The following DNAH3 variants were observed in gnomAD, a reference collection of about 807,000 sequenced individuals.
DNAH3 encodes the protein dynein axonemal heavy chain 3.
A neutral mutation model predicts 432.5 loss-of-function variants in DNAH3; 332 were observed. The ratio of observed to expected loss-of-function variants is 0.77; its 90% CI spans 0.70 to 0.84. The LOEUF (loss-of-function observed/expected upper bound fraction) is 0.84. Ranked by LOEUF, DNAH3 falls within the 40% of genes least tolerant of loss-of-function variation. The pLI, the probability that DNAH3 is intolerant of heterozygous loss-of-function variation, is 0.00. For missense variants in DNAH3, 4,861 were observed against 5,114.0 expected, an observed-to-expected ratio of 0.95 and a Z score of 1.51; for synonymous variants, 1,956 against 1,900.2, an observed-to-expected ratio of 1.03 and a Z score of -0.76.
exon 52 of DNAH3, chr16:20,969,879 G>A (rs2085254590): frequency 6.2e-7 from 1 of 1,614,038 alleles, no homozygotes; most frequent in Admixed American, 1.7e-5. Context: ...GGGCCTGGTG[G>A]GTTCTGCATC....
Position 20,954,096 on chromosome 16 carries a change from G to A in DNAH3, c.11071+717C>T, listed in dbSNP as rs551436337. On this transcript the variant is annotated intron_variant, in intron 55 of 61. Coordinates refer to ENST00000261383, the Ensembl canonical transcript of DNAH3. ...AAAAATTAACCGGGTGTGGTGGCAT[G>A]CTTGTAGTTCCAGCTACTGGGGAGG... 5.9e-5 allele frequency among the ~76,000 whole-genome samples: 9 copies of A among 151,506 alleles called. No homozygotes were observed. In the South Asian group the frequency reaches 1.7e-3, roughly 28 times the overall value.
At chr16:20,997,432 T>C in exon 44 of DNAH3, 2 of 1,614,134 alleles carry the variant, frequency 1.2e-6, no homozygotes, top group East Asian at 2.2e-5. Context: ...CTGGGCCCCA[T>C]ACACCTCTTT....
rs748999139 is a variant in DNAH3 at position 21,098,596 on chromosome 16, C to T, written c.2520+20G>A. On this transcript the variant is annotated intron_variant, in intron 17 of 61. Transcript: ENST00000261383. ...ATAGACCAGTACAGTGTCATAAGTC[C>T]CCATCTCAAGATCCCAAACCTCAAA... 9 of 1,603,294 alleles carry T rather than the reference C, an allele frequency of 5.6e-6. No homozygotes were observed. In the South Asian group the frequency reaches 9.0e-5, roughly 16 times the overall value.
At chr16:20,980,225 TTTA>T (rs904877494) in intron 49 of DNAH3, among the ~76,000 whole-genome samples, 6 of 94,916 alleles carry the variant, frequency 6.3e-5, no homozygotes, top group Admixed American at 4.0e-4. Context: ...ATTTATATTA[TTTA>T]TTTATATTAT....
intron 39 of DNAH3, 120 bp downstream of exon 39, chr16:21,024,476 G>C (rs1232277066): frequency 1.5e-6 from 1 of 668,464 alleles, no homozygotes; most frequent in Admixed American, 3.4e-5. Context: ...GGGACAACAA[G>C]GGAATTCCCT....
chr16:21,005,266 C>T (rs1278419397), intron 41 of DNAH3, among the ~76,000 whole-genome samples: 5 of 148,956 alleles, frequency 3.4e-5, no homozygotes, highest in African/African-American at 5.0e-5. Flanking sequence ...TCCTTCCCTC[C>T]CTTCTTTCTT....
intron 52 of DNAH3, among the ~76,000 whole-genome samples, chr16:20,969,218 G>C (rs558955671): frequency 6.6e-6 from 1 of 151,386 alleles, no homozygotes; most frequent in Non-Finnish European, 1.5e-5. Flanking sequence ...ATGTCTGCAA[G>C]TGTGTTCGTG....
At chr16:20,983,854 C>CTA (rs1044525743) in intron 48 of DNAH3, among the ~76,000 whole-genome samples, 2 of 151,796 alleles carry the variant, frequency 1.3e-5, no homozygotes, top group Admixed American at 1.3e-4. Flanking sequence ...TCCCCGTCCC[C>CTA]TATCTCTACA....
exon 7 of DNAH3, chr16:21,134,393 G>A (rs1009620166): frequency 1.2e-6 from 2 of 1,614,092 alleles, no homozygotes; most frequent in African/African-American, 2.7e-5. Flanking sequence ...GAGGAAACAA[G>A]CGGGGGATGC....
intron 57 of DNAH3, among the ~76,000 whole-genome samples, chr16:20,945,321 T>C (rs2083995834): frequency 6.6e-6 from 1 of 152,150 alleles, no homozygotes; most frequent in Non-Finnish European, 1.5e-5. Flanking sequence ...CCCTATATAG[T>C]CTAGAAAGGG....
At chr16:21,111,593 C>T (rs545276623) in intron 14 of DNAH3, 33 bp downstream of exon 14, 1 of 1,581,148 alleles carries the variant, frequency 6.3e-7, no homozygotes, top group Admixed American at 1.7e-5. Context: ...GTGCCAAATA[C>T]CATTGCTATT....
At chr16:20,963,381 G>A (rs151207059) in exon 53 of DNAH3, 25 of 1,614,106 alleles carry the variant, frequency 1.5e-5, no homozygotes, top group Non-Finnish European at 2.0e-5. Flanking sequence ...TAGGGGCTTC[G>A]ATATACAGCT....
At chr16:20,950,959 G>A (rs1323972882) in intron 56 of DNAH3, among the ~76,000 whole-genome samples, 1 of 151,868 alleles carries the variant, frequency 6.6e-6, no homozygotes, top group East Asian at 1.9e-4. Flanking sequence ...ATTACCTGGG[G>A]CTACAGGTGC....
intron 10 of DNAH3, among the ~76,000 whole-genome samples, chr16:21,121,606 T>C (rs1322636489): frequency 7.0e-6 from 1 of 142,828 alleles, no homozygotes; most frequent in Non-Finnish European, 1.5e-5. Flanking sequence ...TTCTTTTTTC[T>C]TTTTTTTTTT....
intron 44 of DNAH3, among the ~76,000 whole-genome samples, chr16:20,988,870 A>C (rs1157713185): frequency 6.6e-6 from 1 of 152,154 alleles, no homozygotes; most frequent in South Asian, 2.1e-4. Flanking sequence ...TCGCTGGCTC[A>C]GGAGTGAAGC....
At chr16:21,020,565 G>A (rs921856269) in intron 40 of DNAH3, among the ~76,000 whole-genome samples, 2 of 148,882 alleles carry the variant, frequency 1.3e-5, no homozygotes, top group Non-Finnish European at 3.0e-5. Flanking sequence ...ACCTCACCCT[G>A]CTAATTTTTG....
intron 46 of DNAH3, 114 bp from the exon 47 acceptor site, chr16:20,987,562 T>A: frequency 6.5e-7 from 1 of 1,536,598 alleles, no homozygotes; most frequent in Non-Finnish European, 8.9e-7. Context: ...ATAATGTTTA[T>A]AAAATGCTTA....
At chr16:21,067,941 C>T (rs1360165657) in intron 23 of DNAH3, among the ~76,000 whole-genome samples, 1 of 151,946 alleles carries the variant, frequency 6.6e-6, no homozygotes, top group Admixed American at 6.6e-5. Flanking sequence ...CATGAGACAC[C>T]CATTTGGTCT....
intron 9 of DNAH3, among the ~76,000 whole-genome samples, chr16:21,123,997 G>A (rs1164021846): frequency 2.6e-5 from 4 of 151,898 alleles, no homozygotes; most frequent in Admixed American, 2.0e-4. Flanking sequence ...TTCACCAGTC[G>A]ACCAGGCTGG....
Sources: gnomAD v4.1 joint callset for allele counts (sites outside exome capture counted in the v4.1 genomes callset) on GRCh38, gnomAD v4.1.1 for gene constraint, MANE v1.5 for transcripts, NCBI Gene and HGNC (gene_info 2026-07-23, HGNC 2026-07-21) for gene names.